Variants in LRP1B observed in about 807,000 individuals in gnomAD.
LRP1B encodes the protein LDL receptor related protein 1B.
In LRP1B, 217 loss-of-function variants were observed where a neutral mutation model predicts 556.6. The ratio of observed to expected loss-of-function variants is 0.39; its 90% CI spans 0.35 to 0.44. LRP1B has a LOEUF of 0.44. Among genes scored for constraint, LRP1B ranks in the 20% least tolerant of loss-of-function variants. The pLI, the probability that LRP1B is intolerant of heterozygous loss-of-function variation, is 1.00. For synonymous variants in LRP1B, 2,047 were observed against 1,865.8 expected, an observed-to-expected ratio of 1.10 and a Z score of -2.50; for missense variants, 5,053 against 5,620.8, an observed-to-expected ratio of 0.90 and a Z score of 3.23.
intron 2 of LRP1B, among the ~76,000 whole-genome samples, chr2:141,585,422 CGTGTGT>C (rs3041302): frequency 0.056 from 7,188 of 129,192 alleles, 234 homozygotes; most frequent in African/African-American, 0.091. Flanking sequence ...CTGAAATAAT[CGTGTGT>C]GTGTGTGTGT....
At chr2:140,813,523 C>A in intron 32 of LRP1B, 134 bp downstream of exon 32, 2 of 693,256 alleles carry the variant, frequency 2.9e-6, no homozygotes, top group Non-Finnish European at 4.8e-6. Context: ...GAGAAGAAAA[C>A]CTCATAGAAG....
At chr2:141,000,859 C>T (rs145968361) in intron 15 of LRP1B, among the ~76,000 whole-genome samples, 2,271 of 151,770 alleles carry the variant, frequency 0.015, 41 homozygotes, top group Non-Finnish European at 0.022. Context: ...TCATCTTTTC[C>T]CTGTAGTCTA....
At chr2:141,432,665 T>C (rs1315753050) in intron 3 of LRP1B, among the ~76,000 whole-genome samples, 2 of 152,018 alleles carry the variant, frequency 1.3e-5, no homozygotes, top group African/African-American at 4.8e-5. Context: ...GTCTATTAAT[T>C]TGTATATTTC....
intron 67 of LRP1B, among the ~76,000 whole-genome samples, chr2:140,383,296 G>T (rs199497761): frequency 8.4e-6 from 1 of 119,572 alleles, no homozygotes; most frequent in Non-Finnish European, 1.7e-5. Context: ...TGATGTGCGT[G>T]TGTGTGTGTG....
chr2:141,181,560 C>T (rs1553471676), intron 7 of LRP1B, among the ~76,000 whole-genome samples: 2 of 151,538 alleles, frequency 1.3e-5, no homozygotes, highest in Admixed American at 6.6e-5. Context: ...AAGAAAGAAA[C>T]AAAAAAATGG....
chr2:140,663,262 A>G (rs2105344047), intron 41 of LRP1B, among the ~76,000 whole-genome samples: 1 of 152,264 alleles, frequency 6.6e-6, no homozygotes, highest in East Asian at 1.9e-4. Context: ...TATTACAAAC[A>G]CACCATGTTG....
At chr2:141,655,625 T>G (rs1040376706) in intron 2 of LRP1B, among the ~76,000 whole-genome samples, 10 of 152,174 alleles carry the variant, frequency 6.6e-5, no homozygotes, top group Non-Finnish European at 1.5e-4. Context: ...AATGGGGTTA[T>G]TGCTACCATA....
At chr2:141,092,313 T>C (rs1182535178) in intron 7 of LRP1B, among the ~76,000 whole-genome samples, 2 of 152,212 alleles carry the variant, frequency 1.3e-5, no homozygotes, top group African/African-American at 4.8e-5. Context: ...TGCTGATTTA[T>C]TGGATGTAAG....
At chr2:142,123,422 AC>A (rs1224498246) in intron 1 of LRP1B, among the ~76,000 whole-genome samples, 1 of 152,008 alleles carries the variant, frequency 6.6e-6, no homozygotes, top group Non-Finnish European at 1.5e-5. Context: ...CAAGAATAAA[AC>A]AAGAGACGAT....
At chr2:141,595,199 G>C (rs1182292494) in intron 2 of LRP1B, among the ~76,000 whole-genome samples, 6 of 152,052 alleles carry the variant, frequency 3.9e-5, no homozygotes, top group Admixed American at 2.6e-4. Context: ...ATGCATTAGT[G>C]AAGTTAAATG....
intron 3 of LRP1B, among the ~76,000 whole-genome samples, chr2:141,332,204 T>G (rs186979173): frequency 0.016 from 2,473 of 152,086 alleles, 34 homozygotes; most frequent in Non-Finnish European, 0.024. Context: ...CTAACACAAA[T>G]CCTGATGACT....
At chr2:141,695,320 T>A (rs1691697732) in intron 2 of LRP1B, among the ~76,000 whole-genome samples, 1 of 152,004 alleles carries the variant, frequency 6.6e-6, no homozygotes, top group African/African-American at 2.4e-5. Context: ...AGATAAGTTT[T>A]ATTCTGTCCT....
At chr2:141,968,406 T>C (rs1429935944) in intron 1 of LRP1B, among the ~76,000 whole-genome samples, 1 of 149,938 alleles carries the variant, frequency 6.7e-6, no homozygotes, top group Non-Finnish European at 1.5e-5. Flanking sequence ...ATTTGTGTAT[T>C]TTTTTTTCCC....
chr2:141,106,685 G>T (rs1355766033), intron 7 of LRP1B, among the ~76,000 whole-genome samples: 2 of 152,098 alleles, frequency 1.3e-5, no homozygotes, highest in Non-Finnish European at 2.9e-5. Context: ...TGACTTTAGG[G>T]TCTGTAAATA....
Position 140,496,892 on chromosome 2 carries a change from AATTTATTTATTT to A in LRP1B, c.8851-1156_8851-1145del, listed in dbSNP as rs141106287. ...AGTAAATATTTCATAATTTGGATAA[AATTTATTTATTT>A]ATTTATTTATTTATTTATTTATTTA... On this transcript the variant is annotated intron_variant, in intron 55 of 90. Coordinates refer to ENST00000389484, the MANE Select transcript of LRP1B (RefSeq NM_018557.3). Among the ~76,000 whole-genome samples, 549 of 147,150 alleles carry A rather than the reference AATTTATTTATTT, an allele frequency of 3.7e-3. 2 individuals are homozygous for A. Among genetic ancestry groups the A allele is most frequent in the African/African-American group, 0.011 (450 of 40,048 alleles).
At chr2:141,155,969 T>C (rs987314211) in intron 7 of LRP1B, among the ~76,000 whole-genome samples, 6 of 152,170 alleles carry the variant, frequency 3.9e-5, no homozygotes, top group Admixed American at 2.6e-4. Flanking sequence ...CTTTCTTCCA[T>C]AATTCCTACA....
At position 141,521,560 on chromosome 2, in the gene LRP1B, A is replaced by G. The variant is rs370531338; in HGVS notation, c.206-41027T>C. ...GATTAAATAGAGTATTGATCCTGCC[A>G]GTTGCATAATTTAGATTTGCTTTCA... On this transcript the variant is annotated intron_variant, in intron 2 of 90. Transcript: ENST00000389484. Among the ~76,000 whole-genome samples the G allele has an allele frequency of 9.9e-5, 15 of 151,918 alleles. No individual in the cohort carries two copies. The East Asian group carries it at 1.9e-3, about 20-fold the overall frequency.
intron 3 of LRP1B, among the ~76,000 whole-genome samples, chr2:141,469,263 C>T (rs6719026): frequency 0.44 from 66,865 of 152,008 alleles, 15,017 homozygotes; most frequent in Non-Finnish European, 0.49. Flanking sequence ...ATTGTTTGAT[C>T]TGATTCTGAA....
intron 43 of LRP1B, among the ~76,000 whole-genome samples, chr2:140,561,638 A>T (rs1164441205): frequency 6.6e-6 from 1 of 152,148 alleles, no homozygotes; most frequent in Non-Finnish European, 1.5e-5. Flanking sequence ...TGTTTCAAGG[A>T]TGAATTGTCT....
Sources: allele counts gnomAD v4.1 joint callset (sites outside exome capture counted in the v4.1 genomes callset), GRCh38; gene constraint gnomAD v4.1.1; transcripts MANE v1.5; gene names NCBI Gene and HGNC (gene_info 2026-07-23, HGNC 2026-07-21).